SOBP: variants seen among roughly 807,000 people sequenced by gnomAD.
SOBP encodes sine oculis-binding protein homolog.
Under a neutral mutation model 53.6 loss-of-function variants are expected in SOBP, and 4 were observed. That is an observed-to-expected ratio of 0.07 (90% CI 0.04 to 0.17). SOBP has a LOEUF of 0.17. Among genes scored for constraint, SOBP ranks in the 10% least tolerant of loss-of-function variants. The probability of loss-of-function intolerance (pLI) is 1.00; values close to 1 mark genes in which losing one functional copy is unlikely to be tolerated. For synonymous variants in SOBP, 584 were observed against 522.6 expected, an observed-to-expected ratio of 1.12 and a Z score of -1.60; for missense variants, 1,088 against 1,204.7, an observed-to-expected ratio of 0.90 and a Z score of 1.43.
chr6:107,521,666 T>C (rs1367028124), intron 3 of SOBP, among the ~76,000 whole-genome samples: 1 of 152,226 alleles, frequency 6.6e-6, no homozygotes, highest in Non-Finnish European at 1.5e-5. Context: ...CCATGAAGAT[T>C]ATTTTATGTG....
intron 4 of SOBP, 134 bp downstream of exon 4, chr6:107,533,744 C>A: frequency 1.7e-6 from 2 of 1,149,424 alleles, no homozygotes; most frequent in Non-Finnish European, 1.2e-6. Context: ...TTTGTTGATT[C>A]CCCTTTTGTG....
intron 5 of SOBP, among the ~76,000 whole-genome samples, chr6:107,596,387 C>T (rs1405135316): frequency 2.6e-5 from 4 of 152,030 alleles, no homozygotes; most frequent in Non-Finnish European, 1.5e-5. Context: ...TGAATATATG[C>T]AATAACATAT....
chr6:107,655,109 C>T (rs1025598819), intron 6 of SOBP, among the ~76,000 whole-genome samples: 36 of 151,698 alleles, frequency 2.4e-4, no homozygotes, highest in Admixed American at 2.0e-3. Context: ...CAGATGAAGA[C>T]ATTTAGACAT....
intron 3 of SOBP, among the ~76,000 whole-genome samples, chr6:107,506,976 G>A (rs891378905): frequency 2.0e-5 from 3 of 151,774 alleles, no homozygotes; most frequent in African/African-American, 7.3e-5. Context: ...CGAGGCAGAA[G>A]GATCACTTGA....
At chr6:107,587,224 TG>T in intron 5 of SOBP, 49 bp downstream of exon 5, 1 of 1,485,974 alleles carries the variant, frequency 6.7e-7, no homozygotes, top group Non-Finnish European at 9.4e-7. Context: ...TTTAGCACAG[TG>T]AAAACAGTTT....
intron 5 of SOBP, among the ~76,000 whole-genome samples, chr6:107,617,593 A>T (rs1424855868): frequency 6.6e-6 from 1 of 152,224 alleles, no homozygotes; most frequent in Admixed American, 6.5e-5. Context: ...AAAGTAATAC[A>T]GAAGAATGAG....
At chr6:107,586,432 A>T (rs1361047102) in intron 4 of SOBP, among the ~76,000 whole-genome samples, 2 of 152,230 alleles carry the variant, frequency 1.3e-5, no homozygotes, top group Non-Finnish European at 2.9e-5. Context: ...GGGTTCTGTT[A>T]ATGTCTCCAT....
At chr6:107,535,637 G>GT (rs1196256220) in intron 4 of SOBP, among the ~76,000 whole-genome samples, 1,435 of 135,228 alleles carry the variant, frequency 0.011, 21 homozygotes, top group African/African-American at 0.034. Context: ...GTGTGTGTGT[G>GT]TTTTTTTTTT....
At chr6:107,605,039 G>A (rs1286792585) in intron 5 of SOBP, among the ~76,000 whole-genome samples, 2 of 152,114 alleles carry the variant, frequency 1.3e-5, no homozygotes, top group African/African-American at 2.4e-5. Context: ...TCTGCTCAGA[G>A]CCCTCTTCCT....
intron 4 of SOBP, among the ~76,000 whole-genome samples, chr6:107,555,382 C>A (rs1784579566): frequency 6.6e-6 from 1 of 152,160 alleles, no homozygotes; most frequent in Non-Finnish European, 1.5e-5. Context: ...TACTCTTCTC[C>A]ATCAAATTCT....
intron 4 of SOBP, among the ~76,000 whole-genome samples, chr6:107,579,479 T>A (rs1253625931): frequency 6.6e-6 from 1 of 152,078 alleles, no homozygotes; most frequent in Non-Finnish European, 1.5e-5. Context: ...AAGCAACTGC[T>A]CTGATTATTC....
At chr6:107,493,916 G>A (rs1458947790) in intron 1 of SOBP, among the ~76,000 whole-genome samples, 1 of 152,150 alleles carries the variant, frequency 6.6e-6, no homozygotes, top group Non-Finnish European at 1.5e-5. Flanking sequence ...CGTTATCACT[G>A]GTTTAATGTA....
chr6:107,534,628 T>G (rs763782624), intron 4 of SOBP, among the ~76,000 whole-genome samples: 4 of 152,222 alleles, frequency 2.6e-5, no homozygotes, highest in African/African-American at 9.6e-5. Flanking sequence ...TGCAGCAAAT[T>G]ATCTCCTGAA....
intron 4 of SOBP, among the ~76,000 whole-genome samples, chr6:107,577,951 A>G (rs751372775): frequency 4.0e-5 from 6 of 151,814 alleles, no homozygotes; most frequent in Non-Finnish European, 8.8e-5. Flanking sequence ...GCAGATGCCT[A>G]TAGTCCCAGC....
In SOBP at chr6:107,533,512, A is replaced by G. The variant is rs780834502; in HGVS notation, c.475A>G (p.Ile159Val). ...GTGTGCCTGGTGCCAGAAAGTGGGA[A>G]TCAAGCGCTATTCCCTGAGTATGGG... ...IMCAWCQKVG[I>V]KRYSLSMGSE... The change falls in exon 4 of 7, where the codon ATC (isoleucine) becomes GTC (valine). Residue 159 changes from isoleucine to valine, a missense_variant. By Grantham distance (29) the Ile-to-Val change is conservative. Transcript: ENST00000317357. 8.1e-6 allele frequency: 13 copies of G among 1,614,128 alleles called. No individual in the cohort carries two copies.
At chr6:107,505,741 C>T (rs1042785578) in intron 2 of SOBP, among the ~76,000 whole-genome samples, 2 of 152,196 alleles carry the variant, frequency 1.3e-5, no homozygotes, top group South Asian at 4.1e-4. Flanking sequence ...ACCTCGGCCT[C>T]GCAGATTCAA....
At chr6:107,568,254 G>T (rs1197176829) in intron 4 of SOBP, among the ~76,000 whole-genome samples, 2 of 152,140 alleles carry the variant, frequency 1.3e-5, no homozygotes, top group Non-Finnish European at 2.9e-5. Context: ...AATAAACCTG[G>T]ACAATGCTAG....
At chr6:107,636,994 C>T (rs1771073292) in intron 6 of SOBP, among the ~76,000 whole-genome samples, 1 of 152,040 alleles carries the variant, frequency 6.6e-6, no homozygotes. Context: ...TTTAAAAAAC[C>T]ACTGTAGGAG....
At position 107,634,676 on chromosome 6, in the gene SOBP, C is replaced by T. The variant is rs1043635281; in HGVS notation, c.1832C>T (p.Thr611Met). The T allele has an allele frequency of 1.3e-6, 2 of 1,533,934 alleles. No individual in the cohort carries two copies. The highest frequency in any genetic ancestry group is 1.7e-6 in the Non-Finnish European group (2 of 1,146,338). Residue 611 changes from threonine to methionine, a missense_variant, in exon 6 of 7, where the codon ACG (threonine) becomes ATG (methionine). Physicochemically the swap from Thr to Met is moderately conservative, Grantham distance 81 (BLOSUM62 -1). Around this residue, in one of 6 missense-constraint regions of SOBP, gnomAD observed 665 missense variants for 629.7 expected, o/e 1.06. Transcript: ENST00000317357. This position sits in a 1 kb window ranked among gnomAD's most constrained non-coding sequence, Gnocchi z 4.5. The part of the protein sequence containing the change: ...CSGQALSLAP[T>M]PAEHGRSEVV... ...GGCCAGGCCCTGAGCCTGGCGCCCA[C>T]GCCCGCCGAGCATGGCCGGAGCGAG...
Sources: gnomAD v4.1 joint callset for allele counts (sites outside exome capture counted in the v4.1 genomes callset) on GRCh38, gnomAD v4.1.1 for gene constraint, gnomAD v4.1.1 regional missense constraint, Gnocchi (gnomAD v3.1) non-coding constraint, MANE v1.5 for transcripts, NCBI Gene and HGNC (gene_info 2026-07-23, HGNC 2026-07-21) for gene names.